Variants in ESCO1 observed in about 807,000 individuals in gnomAD.
The protein encoded by ESCO1 is establishment of sister chromatid cohesion N-acetyltransferase 1.
ESCO1 carries 33 observed loss-of-function variants against 83.5 expected under a neutral mutation model. The ratio of observed to expected loss-of-function variants is 0.40; its 90% CI spans 0.30 to 0.53. The LOEUF (loss-of-function observed/expected upper bound fraction) is 0.53, where lower values mean the gene tolerates loss of function less well. ESCO1 is among the 20% of genes least tolerant of loss of function. ESCO1 has a pLI of 0.63. For synonymous variants in ESCO1, 332 were observed against 324.3 expected (o/e 1.02, Z -0.25); for missense variants, 855 against 968.0 (o/e 0.88, Z 1.55).
intron 5 of ESCO1, 79 bp from the exon 6 acceptor site, chr18:21,566,285 T>A (rs569722692): frequency 1.5e-6 from 2 of 1,352,308 alleles, no homozygotes; most frequent in Non-Finnish European, 2.0e-6. Context: ...TCATTATACA[T>A]AAAGAAAAAA....
intron 5 of ESCO1, among the ~76,000 whole-genome samples, chr18:21,567,091 T>C (rs1049509540): frequency 1.3e-5 from 2 of 152,174 alleles, no homozygotes; most frequent in African/African-American, 2.4e-5. Context: ...ATTTCTTTTC[T>C]ATACCCTCTG....
At chr18:21,595,673 A>G (rs931960968) in intron 1 of ESCO1, among the ~76,000 whole-genome samples, 3 of 147,432 alleles carry the variant, frequency 2.0e-5, no homozygotes, top group African/African-American at 7.6e-5. Context: ...GACTCCAAAA[A>G]AAAAAATAGG....
chr18:21,550,849 A>C lies in ESCO1; in HGVS notation c.1953+10010T>G, dbSNP rs188448107. Reference sequence around the variant, plus strand: ...ACGTGTTGGCCGGGCGTGGTGGCTCACGCCTGTAATCCCAGTACTTTCGGA... The same window carrying C: ...ACGTGTTGGCCGGGCGTGGTGGCTCCCGCCTGTAATCCCAGTACTTTCGGA... On this transcript the variant is annotated intron_variant, in intron 8 of 11. Coordinates refer to ENST00000269214, the MANE Select transcript of ESCO1 (RefSeq NM_052911.3). Among the ~76,000 whole-genome samples, 779 of 152,256 alleles carry C rather than the reference A, an allele frequency of 5.1e-3. 15 individuals are homozygous for C. The highest frequency in any genetic ancestry group is 3.2e-3 in the Non-Finnish European group (216 of 68,024).
chr18:21,532,981 A>G (rs778949782), intron 10 of ESCO1, among the ~76,000 whole-genome samples: 3 of 152,156 alleles, frequency 2.0e-5, no homozygotes, highest in Admixed American at 1.3e-4. Context: ...AGCCCCCCCA[A>G]TAGGAACTGA....
At chr18:21,534,753 G>A (rs757946032) in intron 10 of ESCO1, among the ~76,000 whole-genome samples, 1 of 151,294 alleles carries the variant, frequency 6.6e-6, no homozygotes, top group Non-Finnish European at 1.5e-5. Flanking sequence ...TCAGCCTCAC[G>A]AGTAACTGGG....
Position 21,566,831 on chromosome 18 carries a change from G to A in ESCO1, c.1646-625C>T, listed in dbSNP as rs147657391. Among the ~76,000 whole-genome samples the A allele has an allele frequency of 1.6e-4, 24 of 150,180 alleles. No individual in the cohort carries two copies. In the East Asian group the frequency reaches 4.7e-3, roughly 29 times the overall value. ...GCTGAGATCGCGCCACTGCACCCCA[G>A]CCTGGAGGACAGAGCAAGGCTCTGC... On this transcript the variant is annotated intron_variant, in intron 5 of 11. Coordinates refer to ENST00000269214, the MANE Select transcript of ESCO1 (RefSeq NM_052911.3).
At chr18:21,565,263 A>G (rs2038244187) in intron 6 of ESCO1, among the ~76,000 whole-genome samples, 1 of 152,262 alleles carries the variant, frequency 6.6e-6, no homozygotes, top group Non-Finnish European at 1.5e-5. Context: ...TTTGTACTAA[A>G]TACTGTTTGT....
intron 8 of ESCO1, among the ~76,000 whole-genome samples, chr18:21,546,085 T>G (rs1368548055): frequency 1.3e-5 from 2 of 152,218 alleles, no homozygotes; most frequent in Admixed American, 6.5e-5. Context: ...TTGTACTGAC[T>G]ACCTACCATG....
At chr18:21,563,448 T>G (rs766106855) in intron 7 of ESCO1, among the ~76,000 whole-genome samples, 6 of 152,270 alleles carry the variant, frequency 3.9e-5, no homozygotes, top group Non-Finnish European at 5.9e-5. Flanking sequence ...GCCAGGTTCA[T>G]GCGACTCTCC....
At chr18:21,578,176 TTAATATG>T (rs1337060987) in intron 2 of ESCO1, among the ~76,000 whole-genome samples, 1 of 151,798 alleles carries the variant, frequency 6.6e-6, no homozygotes, top group Non-Finnish European at 1.5e-5. Flanking sequence ...AAGAAAAGCC[TTAATATG>T]AAGAAAAAAC....
chr18:21,577,577 T>C lies in ESCO1; in HGVS notation c.-693-1800A>G, dbSNP rs567023226. 2.2e-3 allele frequency among the ~76,000 whole-genome samples: 329 copies of C among 151,184 alleles called. 2 individuals are homozygous for C. Among genetic ancestry groups the C allele is most frequent in the Admixed American group, 4.4e-3 (67 of 15,168 alleles). On this transcript the variant is annotated intron_variant, in intron 2 of 11. Coordinates refer to ENST00000269214, the MANE Select transcript of ESCO1 (RefSeq NM_052911.3). ...GGGGAGGCTGAGGCAGGAGAATTGC[T>C]TGAATCCAGGAGGCGGAGCTTGCAG... is the stretch of plus-strand genomic sequence containing the variant.
intron 8 of ESCO1, among the ~76,000 whole-genome samples, chr18:21,548,939 T>TAA (rs796154017): frequency 7.1e-6 from 1 of 140,346 alleles, no homozygotes. Flanking sequence ...CCCTGTCTCT[T>TAA]AAAAAAAAAA....
At chr18:21,539,176 A>G (rs770231919) in intron 9 of ESCO1, among the ~76,000 whole-genome samples, 20 of 152,162 alleles carry the variant, frequency 1.3e-4, no homozygotes, top group Non-Finnish European at 2.9e-4. Context: ...CAGGTTTACT[A>G]TGACCTACTT....
At chr18:21,553,449 TAAAAAAAAA>T (rs59086552) in intron 8 of ESCO1, among the ~76,000 whole-genome samples, 27 of 117,568 alleles carry the variant, frequency 2.3e-4, no homozygotes, top group East Asian at 4.9e-4. Context: ...CTATTTTTAT[TAAAAAAAAA>T]AAAAAAAAAA....
rs560292792 is a variant in ESCO1, at chr18:21,534,995, C to A, written c.2187+1047G>T. Among the ~76,000 whole-genome samples, 3 of 152,180 alleles carry A rather than the reference C, an allele frequency of 2.0e-5. No homozygotes were observed. The South Asian group carries it at 6.2e-4, about 32-fold the overall frequency. ...GCAGTCCACCTGGTCTCTGTTGCAACTATTCAACTCTGCCTTTGTAGTACA... is the reference window on the plus strand; with the variant it reads ...GCAGTCCACCTGGTCTCTGTTGCAAATATTCAACTCTGCCTTTGTAGTACA... On this transcript the variant is annotated intron_variant, in intron 10 of 11. Coordinates refer to ENST00000269214, the MANE Select transcript of ESCO1 (RefSeq NM_052911.3).
chr18:21,559,110 GT>G (rs1291999114), intron 8 of ESCO1, among the ~76,000 whole-genome samples: 3 of 152,156 alleles, frequency 2.0e-5, no homozygotes, highest in Non-Finnish European at 2.9e-5. Context: ...ATACCACAAT[GT>G]TTTGGAAGAG....
At chr18:21,581,340 G>A (rs1334580730) in intron 2 of ESCO1, among the ~76,000 whole-genome samples, 3 of 149,962 alleles carry the variant, frequency 2.0e-5, no homozygotes, top group Admixed American at 2.0e-4. Context: ...AAAAAAACAG[G>A]GTAGATTTAC....
chr18:21,549,388 C>T (rs2146185556), intron 8 of ESCO1, among the ~76,000 whole-genome samples: 1 of 152,188 alleles, frequency 6.6e-6, no homozygotes, highest in South Asian at 2.1e-4. Flanking sequence ...CTAGATGGAA[C>T]CACCCTGACA....
chr18:21,573,282 C>A (rs752286849), intron 4 of ESCO1, 32 bp downstream of exon 4: 105 of 1,489,152 alleles, frequency 7.1e-5, no homozygotes, highest in Non-Finnish European at 9.0e-5. Flanking sequence ...AATATTTCGG[C>A]ACCTCTATTG....
Sources: gnomAD v4.1 joint callset for allele counts (sites outside exome capture counted in the v4.1 genomes callset) on GRCh38, gnomAD v4.1.1 for gene constraint, MANE v1.5 for transcripts, NCBI Gene and HGNC (gene_info 2026-07-23, HGNC 2026-07-21) for gene names.